The following KLHL32 variants were observed in gnomAD, a reference collection of about 807,000 sequenced individuals.
KLHL32 encodes kelch like family member 32.
A neutral mutation model predicts 64.8 loss-of-function variants in KLHL32; 35 were observed. The observed-to-expected ratio is 0.54, with a 90% CI of 0.41 to 0.72. KLHL32 has a LOEUF of 0.72. Ranked by LOEUF, KLHL32 falls within the 30% of genes least tolerant of loss-of-function variation. The probability of loss-of-function intolerance (pLI) is 0.00; values close to 1 mark genes in which losing one functional copy is unlikely to be tolerated. For missense variants in KLHL32, 589 were observed against 768.5 expected (o/e 0.77, Z 2.76); for synonymous variants, 259 against 281.0 (o/e 0.92, Z 0.78).
chr6:96,961,982 CAG>C (rs1366190268), intron 1 of KLHL32, among the ~76,000 whole-genome samples: 1 of 152,146 alleles, frequency 6.6e-6, no homozygotes, highest in Non-Finnish European at 1.5e-5. Context: ...GACCCATAGT[CAG>C]AGACGTTACC....
At chr6:97,012,837 A>G (rs938119289) in intron 3 of KLHL32, among the ~76,000 whole-genome samples, 6 of 152,226 alleles carry the variant, frequency 3.9e-5, no homozygotes, top group African/African-American at 1.4e-4. Context: ...GAATATCAAA[A>G]GAGAGTCAGA....
intron 3 of KLHL32, among the ~76,000 whole-genome samples, chr6:96,982,525 T>G (rs541694288): frequency 6.6e-6 from 1 of 152,314 alleles, no homozygotes; most frequent in Non-Finnish European, 1.5e-5. Flanking sequence ...GCCTTTTAAT[T>G]GGGGCATTTA....
intron 1 of KLHL32, among the ~76,000 whole-genome samples, chr6:96,942,497 C>T (rs756899633): frequency 1.7e-4 from 26 of 152,098 alleles, no homozygotes; most frequent in African/African-American, 6.3e-4. Flanking sequence ...TTTTGTTGTT[C>T]TCTGGTTATC....
chr6:97,017,427 A>G (rs1781369461), intron 3 of KLHL32, among the ~76,000 whole-genome samples: 1 of 152,218 alleles, frequency 6.6e-6, no homozygotes, highest in Non-Finnish European at 1.5e-5. Context: ...CTATAGTTTG[A>G]GGTTTGCTGG....
intron 4 of KLHL32, among the ~76,000 whole-genome samples, chr6:97,056,355 T>C (rs1198484626): frequency 6.6e-6 from 1 of 152,150 alleles, no homozygotes; most frequent in Admixed American, 6.6e-5. Context: ...TCCTCCCGCC[T>C]TGGCCTCCCA....
rs1582222898 is a variant in KLHL32 at position 97,120,027 on chromosome 6, A to G, written c.1354+5518A>G. ...CACCGAGCATATATATTAATAAGGA[A>G]AGAGAGTGAAATTGAAGGTGTAGGG... On this transcript the variant is annotated intron_variant, in intron 7 of 10. Coordinates refer to ENST00000369261, the MANE Select transcript of KLHL32 (RefSeq NM_052904.4). Among the ~76,000 whole-genome samples, 3 of 152,178 alleles carry G rather than the reference A, an allele frequency of 2.0e-5. 1 individual carries two copies. The highest frequency in any genetic ancestry group is 7.2e-5 in the African/African-American group (3 of 41,542).
chr6:97,070,805 A>G (rs1790594448), intron 5 of KLHL32, among the ~76,000 whole-genome samples: 1 of 152,204 alleles, frequency 6.6e-6, no homozygotes, highest in Non-Finnish European at 1.5e-5. Flanking sequence ...TTCAGAATCA[A>G]TAATCAAAAC....
the KLHL32 span, among the ~76,000 whole-genome samples, chr6:96,911,753 G>A: frequency 7.2e-6 from 1 of 138,878 alleles, no homozygotes; most frequent in South Asian, 2.5e-4. Context: ...TTACTCAGCA[G>A]TATTTGACAA....
At chr6:97,120,165 G>A (rs1798214486) in intron 7 of KLHL32, among the ~76,000 whole-genome samples, 1 of 152,136 alleles carries the variant, frequency 6.6e-6, no homozygotes, top group South Asian at 2.1e-4. Flanking sequence ...GAAAGGCAAG[G>A]AACTGGGCAG....
upstream of KLHL32, among the ~76,000 whole-genome samples, chr6:96,923,720 AT>A (rs1416853285): frequency 6.6e-6 from 1 of 152,232 alleles, no homozygotes. Context: ...AAGAAATAGG[AT>A]TAACATACTA....
chr6:96,972,516 T>A (rs111966511), intron 2 of KLHL32, among the ~76,000 whole-genome samples: 1 of 152,154 alleles, frequency 6.6e-6, no homozygotes, highest in Admixed American at 6.5e-5. Flanking sequence ...AGAGGTTGCA[T>A]TGGGGAAGCC....
chr6:96,898,543 A>G, the KLHL32 span, among the ~76,000 whole-genome samples: 1 of 152,024 alleles, frequency 6.6e-6, no homozygotes, highest in Non-Finnish European at 1.5e-5. Context: ...TTTTAGTTAT[A>G]CTTTCCCTTA....
chr6:97,033,599 C>G (rs1428221571), intron 3 of KLHL32, among the ~76,000 whole-genome samples: 1 of 152,086 alleles, frequency 6.6e-6, no homozygotes, highest in Non-Finnish European at 1.5e-5. Context: ...TTAGTACCCT[C>G]TCTACTGTTT....
chr6:97,040,310 ATT>A (rs571674610), intron 3 of KLHL32, among the ~76,000 whole-genome samples: 1 of 149,586 alleles, frequency 6.7e-6, no homozygotes, highest in African/African-American at 2.5e-5. Context: ...ATGGGGTTGT[ATT>A]TTTTTTTTCC....
chr6:97,116,201 C>T (rs1273272786), intron 7 of KLHL32, among the ~76,000 whole-genome samples: 1 of 152,102 alleles, frequency 6.6e-6, no homozygotes, highest in Non-Finnish European at 1.5e-5. Context: ...TGGCTCTATA[C>T]CAAAGAAACA....
At chr6:96,928,876 A>G (rs1769498823) in intron 1 of KLHL32, among the ~76,000 whole-genome samples, 1 of 152,248 alleles carries the variant, frequency 6.6e-6, no homozygotes. Flanking sequence ...AAGGTTGCAT[A>G]TACTTTTGAT....
intron 4 of KLHL32, among the ~76,000 whole-genome samples, chr6:97,042,523 A>G (rs1562273002): frequency 6.6e-6 from 1 of 152,178 alleles, no homozygotes. Context: ...TAATAATTGT[A>G]TATACTTATG....
chr6:97,013,960 A>G (rs147263878), intron 3 of KLHL32, among the ~76,000 whole-genome samples: 1,952 of 152,272 alleles, frequency 0.013, 19 homozygotes, highest in Non-Finnish European at 0.022. Context: ...TCTCTGAAGT[A>G]GGGGTTTGTG....
At chr6:97,122,997 C>T (rs1221621706) in intron 7 of KLHL32, among the ~76,000 whole-genome samples, 4 of 152,238 alleles carry the variant, frequency 2.6e-5, no homozygotes, top group Non-Finnish European at 5.9e-5. Context: ...CTCCTCCACC[C>T]TGCGTGTGGG....
Sources: allele counts gnomAD v4.1 joint callset (sites outside exome capture counted in the v4.1 genomes callset), GRCh38; gene constraint gnomAD v4.1.1; transcripts MANE v1.5; gene names NCBI Gene and HGNC (gene_info 2026-07-23, HGNC 2026-07-21).